ZNF385C: variants seen among roughly 807,000 people sequenced by gnomAD.
The protein encoded by ZNF385C is CTD-2132N18.2.
A neutral mutation model predicts 35.4 loss-of-function variants in ZNF385C; 28 were observed. That is an observed-to-expected ratio of 0.79 (90% confidence interval 0.59 to 1.08). The LOEUF is 1.08. Ranked by LOEUF, ZNF385C falls within the 50% of genes least tolerant of loss-of-function variation. The probability of loss-of-function intolerance (pLI) is 0.00; values close to 1 mark genes in which losing one functional copy is unlikely to be tolerated. For missense variants in ZNF385C, 605 were observed against 595.6 expected (o/e 1.02, Z -0.16); for synonymous variants, 248 against 248.2 (o/e 1.00, Z 0.01).
intron 2 of ZNF385C, among the ~76,000 whole-genome samples, chr17:42,058,657 C>A (rs1555657761): frequency 6.6e-6 from 1 of 152,118 alleles, no homozygotes; most frequent in Non-Finnish European, 1.5e-5. Flanking sequence ...TTGCTGGCAT[C>A]TTTTTTTATT....
chr17:42,094,405 A>G (rs1226512147), intron 1 of ZNF385C, among the ~76,000 whole-genome samples: 10 of 152,226 alleles, frequency 6.6e-5, no homozygotes, highest in Non-Finnish European at 1.3e-4. Context: ...GAAGATACAG[A>G]AAGACCCACC....
chr17:42,039,729 G>A, intron 2 of ZNF385C: 1 of 1,232,538 alleles, frequency 8.1e-7, no homozygotes, highest in South Asian at 4.1e-5. Flanking sequence ...ACCCCAGGAA[G>A]CCCTCTCCCC....
intron 1 of ZNF385C, among the ~76,000 whole-genome samples, chr17:42,067,933 C>A (rs1481218392): frequency 6.6e-6 from 1 of 152,160 alleles, no homozygotes; most frequent in Non-Finnish European, 1.5e-5. Context: ...ACAGGCGGGC[C>A]GGGGACATCG....
chr17:42,064,068 G>GCA (rs1197685074), intron 1 of ZNF385C, among the ~76,000 whole-genome samples: 18 of 59,574 alleles, frequency 3.0e-4, no homozygotes, highest in African/African-American at 7.7e-4. Context: ...GCGCGCACAC[G>GCA]CACATACACA....
chr17:42,081,311 T>C (rs2053746389), intron 1 of ZNF385C, among the ~76,000 whole-genome samples: 1 of 152,150 alleles, frequency 6.6e-6, no homozygotes, highest in Non-Finnish European at 1.5e-5. Flanking sequence ...TAGGCCTGCC[T>C]GAGGGTTTTT....
intron 1 of ZNF385C, among the ~76,000 whole-genome samples, chr17:42,074,769 C>G (rs1392164421): frequency 6.6e-6 from 1 of 152,240 alleles, no homozygotes; most frequent in Non-Finnish European, 1.5e-5. Context: ...CCACAGCACA[C>G]GCATCCTCTA....
At chr17:42,077,856 A>G (rs1433418594) in intron 1 of ZNF385C, among the ~76,000 whole-genome samples, 1 of 152,158 alleles carries the variant, frequency 6.6e-6, no homozygotes, top group African/African-American at 2.4e-5. Context: ...GGCTTGAACA[A>G]GTCCACTGTG....
At chr17:42,057,194 C>T (rs2053389311) in intron 2 of ZNF385C, among the ~76,000 whole-genome samples, 1 of 152,064 alleles carries the variant, frequency 6.6e-6, no homozygotes, top group African/African-American at 2.4e-5. Context: ...AACTGTGTGG[C>T]CTTGGGTGTT....
intron 3 of ZNF385C, among the ~76,000 whole-genome samples, chr17:42,036,652 T>C (rs1292904919): frequency 6.6e-6 from 1 of 152,086 alleles, no homozygotes. Flanking sequence ...TGGTTCAAAT[T>C]TTCACAGCAC....
chr17:42,033,415 T>C (rs551813217), intron 4 of ZNF385C, among the ~76,000 whole-genome samples: 2 of 152,282 alleles, frequency 1.3e-5, no homozygotes, highest in East Asian at 3.9e-4. Flanking sequence ...TCACTTAACC[T>C]CTCTAAGGCT....
intron 1 of ZNF385C, among the ~76,000 whole-genome samples, chr17:42,098,017 C>T (rs1371287168): frequency 6.6e-6 from 1 of 152,194 alleles, no homozygotes; most frequent in Non-Finnish European, 1.5e-5. Context: ...GTCAAGCCAT[C>T]ACCCCCTAGG....
At chr17:42,065,934 T>A (rs560455185) in intron 1 of ZNF385C, among the ~76,000 whole-genome samples, 1 of 152,310 alleles carries the variant, frequency 6.6e-6, no homozygotes, top group Non-Finnish European at 1.5e-5. Context: ...CTCTGTAGAA[T>A]GGGAGTGATC....
At chr17:42,063,201 G>A (rs2053491100) in intron 1 of ZNF385C, 143 bp from the exon 2 acceptor site, 1 of 480,572 alleles carries the variant, frequency 2.1e-6, no homozygotes, top group Non-Finnish European at 3.7e-6. Flanking sequence ...ATGGTGGAAG[G>A]GCGCATAATG....
At chr17:42,042,152 G>C (rs1302906089) in intron 2 of ZNF385C, among the ~76,000 whole-genome samples, 1 of 152,070 alleles carries the variant, frequency 6.6e-6, no homozygotes, top group Non-Finnish European at 1.5e-5. Context: ...CAGGAGGATT[G>C]CTTGAGGCCA....
At position 42,050,426 on chromosome 17, in the gene ZNF385C, G is replaced by A. The variant is rs1555657002; in HGVS notation, c.250+12381C>T. 6.6e-6 allele frequency: 1 copy of A among 152,092 alleles called. No individual in the cohort carries two copies. The highest frequency in any genetic ancestry group is 6.5e-5 in the Admixed American group (1 of 15,270). 9.4% of individuals were successfully genotyped at this position (152,092 alleles called of 1,614,324 possible). On this transcript the variant is annotated intron_variant, in intron 2 of 8. Transcript: ENST00000692273. This position sits in a 1 kb window ranked among gnomAD's most constrained non-coding sequence, Gnocchi z 5.6. ...CGGGGAGGGCTGAGGAACTTCCTCT[G>A]GGGGGCGCGCGGTGACAGAGCCCTC...
intron 3 of ZNF385C, 80 bp downstream of exon 3, chr17:42,037,657 G>A: frequency 7.0e-7 from 1 of 1,429,200 alleles, no homozygotes; most frequent in Non-Finnish European, 9.2e-7. Flanking sequence ...CAGCTGCTGA[G>A]AGCTGGACCC....
chr17:42,045,159 C>T (rs537493752), intron 2 of ZNF385C, among the ~76,000 whole-genome samples: 15 of 152,278 alleles, frequency 9.9e-5, no homozygotes, highest in African/African-American at 2.4e-4. Flanking sequence ...CCTTGTGATC[C>T]GTCCGCCTCG....
chr17:42,084,495 C>T (rs1393731248), intron 1 of ZNF385C, among the ~76,000 whole-genome samples: 3 of 151,908 alleles, frequency 2.0e-5, no homozygotes, highest in Non-Finnish European at 4.4e-5. Context: ...TAAAAGACAT[C>T]GTCAAATAAT....
At chr17:42,059,710 C>T (rs1251398532) in intron 2 of ZNF385C, among the ~76,000 whole-genome samples, 1 of 152,216 alleles carries the variant, frequency 6.6e-6, no homozygotes, top group East Asian at 1.9e-4. Context: ...CAACCTCCGC[C>T]TCCTGTGTTC....
Sources: gnomAD v4.1 joint callset for allele counts (sites outside exome capture counted in the v4.1 genomes callset) on GRCh38, gnomAD v4.1.1 for gene constraint, Gnocchi (gnomAD v3.1) non-coding constraint, MANE v1.5 for transcripts, NCBI Gene and HGNC (gene_info 2026-07-23, HGNC 2026-07-21) for gene names.